SHH: variants seen among roughly 807,000 people sequenced by gnomAD.
The protein encoded by SHH is sonic hedgehog signaling molecule, also known as sonic hedgehog protein.
In SHH, 3 loss-of-function variants were observed where a neutral mutation model predicts 16.6. The ratio of observed to expected loss-of-function variants is 0.18; its 90% CI spans 0.08 to 0.47. The LOEUF (loss-of-function observed/expected upper bound fraction) is 0.47. Among genes scored for constraint, SHH ranks in the 20% least tolerant of loss-of-function variants. The pLI, the probability that SHH is intolerant of heterozygous loss-of-function variation, is 0.98. For missense variants in SHH, 499 were observed against 665.0 expected (o/e 0.75, Z 2.75); for synonymous variants, 351 against 316.2 (o/e 1.11, Z -1.17).
intron 1 of SHH, among the ~76,000 whole-genome samples, chr7:155,808,549 C>G (rs1803425573): frequency 6.6e-6 from 1 of 152,186 alleles, no homozygotes; most frequent in South Asian, 2.1e-4. Context: ...GGGCGGAGGC[C>G]GAGGGTTGCT....
chr7:155,803,079 C>A lies in SHH; in HGVS notation c.1210G>T (p.Gly404Trp), dbSNP rs1803237255. ...CTGCCGCCGCCGCCCCCGCGGTCCC[C>A]GCCGCCGCTGTCCCCGCCGCGGTCC... The part of the protein sequence containing the change: ...RTDRGGDSGG[G>W]DRGGGGGRVA... The change falls in exon 3 of 3, where the codon GGG (glycine) becomes TGG (tryptophan). Residue 404 changes from glycine (G) to tryptophan (W), a missense_variant. Physicochemically the swap from Gly to Trp is radical, Grantham distance 184. Coordinates refer to ENST00000297261, the MANE Select transcript of SHH (RefSeq NM_000193.4). The A allele has an allele frequency of 7.3e-7, 1 of 1,364,230 alleles. No homozygotes were observed. The highest frequency in any genetic ancestry group is 9.5e-7 in the Non-Finnish European group (1 of 1,057,538). 84.5% of individuals were successfully genotyped at this position (1,364,230 alleles called of 1,614,324 possible). A position where few individuals can be genotyped will look rare whatever the true frequency, so the allele number is the denominator to read the frequency against.
In SHH at chr7:155,809,951, G is replaced by A. The variant is rs1471023568; in HGVS notation, c.300+1872C>T. 5.3e-5 allele frequency among the ~76,000 whole-genome samples: 8 copies of A among 151,740 alleles called. No individual in the cohort carries two copies. Among genetic ancestry groups the A allele is most frequent in the African/African-American group, 1.7e-4 (7 of 41,488 alleles). On this transcript the variant is annotated intron_variant, in intron 1 of 2. Coordinates refer to ENST00000297261, the MANE Select transcript of SHH (RefSeq NM_000193.4). The surrounding 1 kb of genome is among the most constrained non-coding windows in gnomAD (Gnocchi z 6.1). ...GGCAGGCCGGCGGAGCCCGCGATGCGCCCCGGCCCCTGCGCGGGCGCCCCC... is the reference window on the plus strand; with the variant it reads ...GGCAGGCCGGCGGAGCCCGCGATGCACCCCGGCCCCTGCGCGGGCGCCCCC...
chr7:155,800,594 T>A lies in SHH; in HGVS notation c.*2306A>T. The A allele has an allele frequency of 2.1e-6, 1 of 470,878 alleles. No homozygotes were observed. 29.2% of individuals were successfully genotyped at this position (470,878 alleles called of 1,614,324 possible). On this transcript the variant is annotated 3_prime_UTR_variant, in exon 3 of 3. Transcript: ENST00000297261. ...GCTTTCGACTGACTTGAAATCAGAC[T>A]GAACTGTCAAAAGAACAGAAACCAT...
chr7:155,811,744 G>C, intron 1 of SHH, 79 bp downstream of exon 1: 1 of 1,394,578 alleles, frequency 7.2e-7, no homozygotes, highest in Non-Finnish European at 1.0e-6. Flanking sequence ...AGAGCAAACA[G>C]AGTTAAGTCT....
rs2117141983 is a variant in SHH, at chr7:155,807,837, G to A, written c.301-1280C>T. ...GGTGACTTCTGCAGAGGGCGGGGCT[G>A]ACCTCTAACCTCCTCCAGTCTGGAA... On this transcript the variant is annotated intron_variant, in intron 1 of 2. Transcript: ENST00000297261. The surrounding 1 kb of genome is among the most constrained non-coding windows in gnomAD (Gnocchi z 7.1). Among the ~76,000 whole-genome samples, 1 of 152,134 alleles carries A rather than the reference G, an allele frequency of 6.6e-6. No homozygotes were observed.
At position 155,803,153 on chromosome 7, in the gene SHH, G is replaced by A; in HGVS notation, c.1136C>T (p.Pro379Leu). The A allele has an allele frequency of 7.0e-7, 1 of 1,435,606 alleles. No individual in the cohort carries two copies. Among genetic ancestry groups the A allele is most frequent in the Non-Finnish European group, 9.2e-7 (1 of 1,091,644 alleles). The allele number at this position is 1,435,606 out of a possible 1,614,324, so 88.9% of individuals were successfully genotyped here. A position where few individuals can be genotyped will look rare whatever the true frequency, so the allele number is the denominator to read the frequency against. Residue 379 changes from proline to leucine, a missense_variant, in exon 3 of 3, where the codon CCC becomes CTC. Coordinates refer to ENST00000297261, the MANE Select transcript of SHH (RefSeq NM_000193.4). ...EHSWAHRAFA[P>L]FRLAHALLAA... ...CAGGAGCGCGTGCGCCAGGCGGAAG[G>A]GCGCGAAGGCCCGGTGCGCCCAGCT...
At chr7:155,806,580 AC>A in intron 1 of SHH, 23 bp from the exon 2 acceptor site, 2 of 1,609,914 alleles carry the variant, frequency 1.2e-6, no homozygotes, top group Non-Finnish European at 1.7e-6. Flanking sequence ...GGGGACCCCC[AC>A]CGACGGACAC....
rs9333645 is a variant in SHH at position 155,801,060 on chromosome 7, G to A, written c.*1840C>T. ...TCCTCCACCTGGGACCCTGACAACC[G>A]CCAAGGGCAGAGACCCTCTTGGCCA... is the stretch of plus-strand genomic sequence containing the variant. On this transcript the variant is annotated 3_prime_UTR_variant, in exon 3 of 3. Transcript: ENST00000297261. The A allele has an allele frequency of 0.12, 20,392 of 167,054 alleles. 1,418 individuals carry two copies. The highest frequency in any genetic ancestry group is 0.17 in the Middle Eastern group (56 of 338). 10.3% of individuals were successfully genotyped at this position (167,054 alleles called of 1,614,324 possible).
intron 2 of SHH, among the ~76,000 whole-genome samples, chr7:155,804,000 C>G (rs1006167908): frequency 2.6e-5 from 4 of 152,156 alleles, no homozygotes; most frequent in Non-Finnish European, 5.9e-5. Flanking sequence ...CTGCAGAGGC[C>G]GGTGACACTC....
chr7:155,803,473 G>A lies in SHH; in HGVS notation c.816C>T (p.Leu272=). The change falls in exon 3 of 3, where the codon CTC becomes CTT. Residue 272 remains leucine (L), a synonymous_variant. Transcript: ENST00000297261. The part of the protein sequence containing the change: ...ERLLLTAAHL[L]FVAPHNDSAT... ...CCGAGTCGTTGTGCGGCGCCACAAA[G>A]AGCAGGTGCGCGGCGGTGAGCAGCA... The A allele has an allele frequency of 1.3e-6, 2 of 1,561,338 alleles. No homozygotes were observed. Among genetic ancestry groups the A allele is most frequent in the Middle Eastern group, 1.7e-4 (1 of 5,726 alleles).
intron 1 of SHH, among the ~76,000 whole-genome samples, chr7:155,808,342 C>G (rs1043201145): frequency 6.6e-6 from 1 of 152,252 alleles, no homozygotes; most frequent in Non-Finnish European, 1.5e-5. Flanking sequence ...CCCACCCCAC[C>G]GCAGCTCCCT....
chr7:155,803,133 G>A lies in SHH; in HGVS notation c.1156C>T (p.Leu386Phe). ...CGCGCGGGCGCCAGTGCAGCCAGGA[G>A]CGCGTGCGCCAGGCGGAAGGGCGCG... ...AFAPFRLAHA[L>F]LAALAPARTD... is the part of the protein sequence containing the mutation. The change falls in exon 3 of 3, where the codon CTC (leucine) becomes TTC (phenylalanine). Residue 386 changes from leucine to phenylalanine, a missense_variant. Leu to Phe is a conservative substitution (Grantham distance 22, BLOSUM62 0). Coordinates refer to ENST00000297261, the MANE Select transcript of SHH (RefSeq NM_000193.4). 1 of 1,407,762 alleles carries A rather than the reference G, an allele frequency of 7.1e-7. No homozygotes were observed. The highest frequency in any genetic ancestry group is 9.3e-7 in the Non-Finnish European group (1 of 1,076,926). 87.2% of individuals were successfully genotyped at this position (1,407,762 alleles called of 1,614,324 possible). A position where few individuals can be genotyped will look rare whatever the true frequency, so the allele number is the denominator to read the frequency against.
At chr7:155,810,519 T>A (rs1803499645) in intron 1 of SHH, among the ~76,000 whole-genome samples, 1 of 152,180 alleles carries the variant, frequency 6.6e-6, no homozygotes, top group Non-Finnish European at 1.5e-5. Context: ...TGTCTGGCAC[T>A]GGCGCGCGCG....
At chr7:155,804,253 C>T (rs1040182684) in intron 2 of SHH, among the ~76,000 whole-genome samples, 4 of 151,698 alleles carry the variant, frequency 2.6e-5, no homozygotes, top group Non-Finnish European at 5.9e-5. Context: ...TGCCCGCCTG[C>T]CCGCAGCACC....
At position 155,801,305 on chromosome 7, in the gene SHH, A is replaced by G. The variant is rs1279325257; in HGVS notation, c.*1595T>C. ...TTAAGGGGACCCTCAAGAAAAGAGG[A>G]TAGGAGCTTCAGAGAAGATCAAACC... On this transcript the variant is annotated 3_prime_UTR_variant, in exon 3 of 3. Coordinates refer to ENST00000297261, the MANE Select transcript of SHH (RefSeq NM_000193.4). 6.6e-6 allele frequency: 1 copy of G among 152,394 alleles called. No individual in the cohort carries two copies. Among genetic ancestry groups the G allele is most frequent in the Non-Finnish European group, 1.5e-5 (1 of 68,190 alleles). 9.4% of individuals were successfully genotyped at this position (152,394 alleles called of 1,614,324 possible). A position where few individuals can be genotyped will look rare whatever the true frequency, so the allele number is the denominator to read the frequency against.
chr7:155,801,368 C>G lies in SHH; in HGVS notation c.*1532G>C, dbSNP rs1477953294. The G allele has an allele frequency of 2.6e-5, 4 of 152,340 alleles. 1 individual carries two copies. Among genetic ancestry groups the G allele is most frequent in the Non-Finnish European group, 5.9e-5 (4 of 68,138 alleles). 9.4% of individuals were successfully genotyped at this position (152,340 alleles called of 1,614,324 possible). A position where few individuals can be genotyped will look rare whatever the true frequency, so the allele number is the denominator to read the frequency against. ...CTAAGGATGCTTTCTGGAAGGGACA[C>G]AACAGGACCTCAGAAAGCAGCAATG... On this transcript the variant is annotated 3_prime_UTR_variant, in exon 3 of 3. Transcript: ENST00000297261.
In SHH at chr7:155,807,557, C is replaced by G. The variant is rs959113777; in HGVS notation, c.301-1000G>C. 6.6e-6 allele frequency among the ~76,000 whole-genome samples: 1 copy of G among 152,142 alleles called. No homozygotes were observed. Among genetic ancestry groups the G allele is most frequent in the Non-Finnish European group, 1.5e-5 (1 of 68,028 alleles). On this transcript the variant is annotated intron_variant, in intron 1 of 2. Coordinates refer to ENST00000297261, the MANE Select transcript of SHH (RefSeq NM_000193.4). This position sits in a 1 kb window ranked among gnomAD's most constrained non-coding sequence, Gnocchi z 7.1. ...GAGGAGGCAGGAAACACTGACTAGG[C>G]AGATGCAGACGGGGTTACCTGGGAT...
Position 155,802,948 on chromosome 7 carries a change from C to T in SHH, c.1341G>A (p.Leu447=). The T allele has an allele frequency of 6.5e-7, 1 of 1,542,158 alleles. No individual in the cohort carries two copies. Among genetic ancestry groups the T allele is most frequent in the Admixed American group, 1.9e-5 (1 of 53,246 alleles). Residue 447 remains leucine (L), a synonymous_variant, in exon 3 of 3, where the codon CTG becomes CTA. Coordinates refer to ENST00000297261, the MANE Select transcript of SHH (RefSeq NM_000193.4). ...CCAGCGGGTGCAGGGCCTCGCTGTC[C>T]AGGAGCCAGGTGCCTATTTGGTAGA... ...QLLYQIGTWL[L]DSEALHPLGM... is the part of the protein sequence containing the mutation.
Position 155,812,233 on chromosome 7 carries a change from C to T in SHH, c.-111G>A. The T allele has an allele frequency of 1.9e-6, 2 of 1,029,804 alleles. No individual in the cohort carries two copies. The highest frequency in any genetic ancestry group is 1.3e-5 in the South Asian group (1 of 76,906). The allele number at this position is 1,029,804 out of a possible 1,614,324, so 63.8% of individuals were successfully genotyped here. A position where few individuals can be genotyped will look rare whatever the true frequency, so the allele number is the denominator to read the frequency against. On this transcript the variant is annotated 5_prime_UTR_variant, in exon 1 of 3. Coordinates refer to ENST00000297261, the MANE Select transcript of SHH (RefSeq NM_000193.4). ...TCTCTTGCGCTTTCCCTTCCTCGCT[C>T]CGGCTCGCCCGCTCGCTCTCTCCCT...
Sources: gnomAD v4.1 joint callset for allele counts (sites outside exome capture counted in the v4.1 genomes callset) on GRCh38, gnomAD v4.1.1 for gene constraint, Gnocchi (gnomAD v3.1) non-coding constraint, MANE v1.5 for transcripts, NCBI Gene and HGNC (gene_info 2026-07-23, HGNC 2026-07-21) for gene names.